FRY: variants seen among roughly 807,000 people sequenced by gnomAD.
The protein encoded by FRY is protein furry homolog.
A neutral mutation model predicts 348.4 loss-of-function variants in FRY; 128 were observed. The ratio of observed to expected loss-of-function variants is 0.37; its 90% CI spans 0.32 to 0.43. The LOEUF is 0.43. FRY is among the 20% of genes least tolerant of loss of function. The pLI, the probability that FRY is intolerant of heterozygous loss-of-function variation, is 1.00. For synonymous variants in FRY, 1,370 were observed against 1,374.7 expected, an observed-to-expected ratio of 1.00 and a Z score of 0.08; for missense variants, 2,736 against 3,695.2, an observed-to-expected ratio of 0.74 and a Z score of 6.73.
chr13:32,064,092 C>G (rs750383587), intron 1 of FRY, among the ~76,000 whole-genome samples: 1 of 152,066 alleles, frequency 6.6e-6, no homozygotes, highest in Non-Finnish European at 1.5e-5. Flanking sequence ...ATAGGAAATG[C>G]GTATATAATA....
In FRY at chr13:32,279,397, TGAAAGCACC is replaced by T. The variant is rs1888707279; in HGVS notation, c.8469+856_8469+864del. ...AAGAACCAAGGAGAGCCCATGTGGC[TGAAAGCACC>T]GAAAGCCCTGTGGAGAAAAGGTTGA... is the stretch of plus-strand genomic sequence containing the variant. On this transcript the variant is annotated intron_variant, in intron 58 of 60. Coordinates refer to ENST00000542859, the MANE Select transcript of FRY (RefSeq NM_023037.3). Among the ~76,000 whole-genome samples the T allele has an allele frequency of 2.0e-5, 3 of 152,332 alleles. No individual in the cohort carries two copies. In the South Asian group the frequency reaches 6.2e-4, roughly 32 times the overall value.
chr13:32,119,745 C>G (rs1477981227), intron 4 of FRY, among the ~76,000 whole-genome samples: 1 of 152,142 alleles, frequency 6.6e-6, no homozygotes, highest in Non-Finnish European at 1.5e-5. Flanking sequence ...TTTCCCCCAG[C>G]TCGCAGTGCC....
chr13:32,286,948 A>G (rs1049192225), intron 58 of FRY, among the ~76,000 whole-genome samples: 31 of 151,708 alleles, frequency 2.0e-4, no homozygotes, highest in Non-Finnish European at 4.3e-4. Flanking sequence ...TCAAGAGGTC[A>G]GGAGTTCGAG....
At chr13:32,100,957 C>A (rs892529784) in intron 2 of FRY, among the ~76,000 whole-genome samples, 1 of 151,882 alleles carries the variant, frequency 6.6e-6, no homozygotes, top group African/African-American at 2.4e-5. Context: ...AACACCATCA[C>A]CTTGAAGGTT....
At chr13:32,202,309 A>G in intron 30 of FRY, 47 bp from the exon 31 acceptor site, 1 of 1,397,034 alleles carries the variant, frequency 7.2e-7, no homozygotes, top group Non-Finnish European at 1.0e-6. Flanking sequence ...TGAGATATCC[A>G]GCTAATGCTT....
intron 7 of FRY, among the ~76,000 whole-genome samples, chr13:32,125,467 T>C (rs1268138202): frequency 2.0e-5 from 3 of 152,204 alleles, no homozygotes; most frequent in Admixed American, 2.0e-4. Context: ...CAGCTTCATT[T>C]TGTCCAACCC....
chr13:32,199,813 A>T (rs1883897782), intron 29 of FRY, among the ~76,000 whole-genome samples: 1 of 152,232 alleles, frequency 6.6e-6, no homozygotes, highest in African/African-American at 2.4e-5. Context: ...GTAAAATGGG[A>T]TGTATTCATA....
chr13:32,196,521 T>C (rs1357179866), intron 29 of FRY, among the ~76,000 whole-genome samples: 1 of 152,178 alleles, frequency 6.6e-6, no homozygotes, highest in Non-Finnish European at 1.5e-5. Flanking sequence ...AAAATGGTTC[T>C]CTACATCCTT....
At position 32,231,118 on chromosome 13, in the gene FRY, T is replaced by C. The variant is rs770114160; in HGVS notation, c.5406-61T>C. 6.3e-5 allele frequency: 93 copies of C among 1,469,464 alleles called. 1 individual carries two copies. The highest frequency in any genetic ancestry group is 8.5e-5 in the Non-Finnish European group (89 of 1,051,790). The allele number at this position is 1,469,464 out of a possible 1,614,324, so 91.0% of individuals were successfully genotyped here. The stretch of plus-strand genomic sequence containing the variant: ...ATATGTTTGGAGTCAGGACTGTATG[T>C]GTAGTTTTAAAAATGCAAAATGACA... On this transcript the variant is annotated intron_variant, in intron 40 of 60. Transcript: ENST00000542859.
At chr13:32,038,273 T>C (rs1872620707) in intron 1 of FRY, among the ~76,000 whole-genome samples, 1 of 152,216 alleles carries the variant, frequency 6.6e-6, no homozygotes, top group South Asian at 2.1e-4. Context: ...TGTAGAACTT[T>C]TAAAAAATGC....
rs548660794 is a variant in FRY, at chr13:32,291,404, T to C, written c.8580+1661T>C. Among the ~76,000 whole-genome samples the C allele has an allele frequency of 2.6e-5, 4 of 151,812 alleles. No homozygotes were observed. The East Asian group carries it at 5.8e-4, about 22-fold the overall frequency. On this transcript the variant is annotated intron_variant, in intron 59 of 60. Coordinates refer to ENST00000542859, the MANE Select transcript of FRY (RefSeq NM_023037.3). ...TAAACTTTACTTTTTCTTTTTCTTTTTTTTTTTTTTCTTTTTTCGAGATAG... is the reference window on the plus strand; with the variant it reads ...TAAACTTTACTTTTTCTTTTTCTTTCTTTTTTTTTTCTTTTTTCGAGATAG...
At position 32,261,625 on chromosome 13, in the gene FRY, A is replaced by G. The variant is rs775000809; in HGVS notation, c.7426A>G (p.Met2476Val). The G allele has an allele frequency of 3.7e-6, 6 of 1,614,092 alleles. No homozygotes were observed. The highest frequency in any genetic ancestry group is 8.5e-7 in the Non-Finnish European group (1 of 1,179,928). Residue 2476 changes from methionine to valine, a missense_variant, in exon 52 of 61, where the codon ATG becomes GTG. Met to Val is a conservative substitution (Grantham distance 21, BLOSUM62 1). This residue lies in a region of FRY where 789 missense variants were observed against 996.2 expected (regional missense o/e 0.79). Coordinates refer to ENST00000542859, the MANE Select transcript of FRY (RefSeq NM_023037.3). Reference sequence around the variant, plus strand: ...GATGGTGTGATTTCAGGGTGAGAGTATGGACAATTTCAACTGGGGAGTGCG... The same window carrying G: ...GATGGTGTGATTTCAGGGTGAGAGTGTGGACAATTTCAACTGGGGAGTGCG... Reference protein sequence around the residue: ...VELEDGEGESMDNFNWGVRRR... With the variant: ...VELEDGEGESVDNFNWGVRRR...
intron 1 of FRY, among the ~76,000 whole-genome samples, chr13:32,037,872 A>T (rs936421887): frequency 6.6e-6 from 1 of 152,198 alleles, no homozygotes; most frequent in Non-Finnish European, 1.5e-5. Flanking sequence ...GTCTTATGTG[A>T]TATTAACACT....
Position 32,131,783 on chromosome 13 carries a change from C to A in FRY, c.828C>A (p.Phe276Leu). Residue 276 changes from phenylalanine (F) to leucine (L), a missense_variant, in exon 8 of 61, where the codon TTC becomes TTA. By Grantham distance (22) the Phe-to-Leu change is conservative (BLOSUM62 0). This residue lies in a region of FRY where 309 missense variants were observed against 418.1 expected (regional missense o/e 0.74). Transcript: ENST00000542859. ...SIISLIMGMK[F>L]FRIKMYPVED... ...TCAGCTTAATAATGGGCATGAAATT[C>A]TTTCGAATTAAGATGTATCCAGTGG... The A allele has an allele frequency of 1.2e-6, 2 of 1,613,730 alleles. No homozygotes were observed. Among genetic ancestry groups the A allele is most frequent in the Non-Finnish European group, 1.7e-6 (2 of 1,179,590 alleles).
chr13:32,173,693 T>C (rs1367287758), intron 19 of FRY, 144 bp downstream of exon 19: 2 of 712,952 alleles, frequency 2.8e-6, no homozygotes, highest in African/African-American at 3.5e-5. Flanking sequence ...TTTAAACTAT[T>C]GTAATAACAT....
At chr13:32,238,290 G>GA (rs965139682) in intron 44 of FRY, among the ~76,000 whole-genome samples, 4 of 80,010 alleles carry the variant, frequency 5.0e-5, no homozygotes, top group Admixed American at 1.2e-4. Context: ...CTCTCGTACA[G>GA]AAAAAAAAAA....
rs181426613 is a variant in FRY at position 32,264,365 on chromosome 13, C to T, written c.7780-1085C>T. 3.7e-4 allele frequency among the ~76,000 whole-genome samples: 56 copies of T among 152,080 alleles called. 1 individual carries two copies. Among genetic ancestry groups the T allele is most frequent in the Middle Eastern group, 3.4e-3 (1 of 294 alleles). The stretch of plus-strand genomic sequence containing the variant: ...TATTTTTACCATTCCTGGTAATTTT[C>T]CCTATTAATTCTAGAGTCAAAGTAT... On this transcript the variant is annotated intron_variant, in intron 53 of 60. Coordinates refer to ENST00000542859, the MANE Select transcript of FRY (RefSeq NM_023037.3).
At chr13:32,137,170 ACTTC>A (rs2138783356) in intron 11 of FRY, among the ~76,000 whole-genome samples, 198 bp downstream of exon 11, 1 of 152,346 alleles carries the variant, frequency 6.6e-6, no homozygotes, top group Non-Finnish European at 1.5e-5. Flanking sequence ...AAGATAAATC[ACTTC>A]AGATTTGGGA....
intron 3 of FRY, among the ~76,000 whole-genome samples, chr13:32,103,681 A>G (rs1877323737): frequency 6.6e-6 from 1 of 152,210 alleles, no homozygotes; most frequent in Non-Finnish European, 1.5e-5. Flanking sequence ...AAGAATAAAT[A>G]GTGCTGGGCG....
Sources: gnomAD v4.1 joint callset for allele counts (sites outside exome capture counted in the v4.1 genomes callset) on GRCh38, gnomAD v4.1.1 for gene constraint, gnomAD v4.1.1 regional missense constraint, MANE v1.5 for transcripts, NCBI Gene and HGNC (gene_info 2026-07-23, HGNC 2026-07-21) for gene names.